Variants in SVIL observed in about 807,000 individuals in gnomAD.
The protein encoded by SVIL is archvillin.
SVIL carries 101 observed loss-of-function variants against 240.4 expected under a neutral mutation model. The observed-to-expected ratio is 0.42, with a 90% CI of 0.36 to 0.50. The LOEUF (loss-of-function observed/expected upper bound fraction) is 0.50, where lower values mean the gene tolerates loss of function less well. Among genes scored for constraint, SVIL ranks in the 20% least tolerant of loss-of-function variants. SVIL has a pLI of 0.01. For missense variants in SVIL, 2,512 were observed against 2,818.7 expected (o/e 0.89, Z 2.46); for synonymous variants, 999 against 1,100.0 (o/e 0.91, Z 1.82).
intron 16 of SVIL, among the ~76,000 whole-genome samples, chr10:29,513,275 A>G (rs1261093575): frequency 1.3e-5 from 2 of 152,234 alleles, no homozygotes; most frequent in African/African-American, 4.8e-5. Context: ...ACATGGGCTT[A>G]AAAACATAAA....
intron 1 of SVIL, among the ~76,000 whole-genome samples, chr10:29,630,120 C>T (rs930478493): frequency 2.6e-5 from 4 of 152,104 alleles, no homozygotes; most frequent in Non-Finnish European, 2.9e-5. Context: ...CATCCCTGTC[C>T]GAGACACTCT....
chr10:29,517,868 T>C (rs1950318723), intron 16 of SVIL, among the ~76,000 whole-genome samples: 2 of 152,238 alleles, frequency 1.3e-5, no homozygotes, highest in Non-Finnish European at 1.5e-5. Flanking sequence ...AGGCCTAACA[T>C]ACTCTTTAAG....
At position 29,522,754 on chromosome 10, in the gene SVIL, A is replaced by G. The variant is rs543162076; in HGVS notation, c.3164-119T>C. The G allele has an allele frequency of 6.3e-6, 7 of 1,104,544 alleles. No homozygotes were observed. The African/African-American group carries it at 9.4e-5, about 15-fold the overall frequency. 68.4% of individuals were successfully genotyped at this position (1,104,544 alleles called of 1,614,324 possible). A position where few individuals can be genotyped will look rare whatever the true frequency, so the allele number is the denominator to read the frequency against. ...CCGTGGGCACACGGCGGGTGACCCA[A>G]TCCACTGGGATTTATGCAAATCTGC... On this transcript the variant is annotated intron_variant, in intron 15 of 37. Coordinates refer to ENST00000355867, the MANE Select transcript of SVIL (RefSeq NM_021738.3).
chr10:29,606,190 T>C (rs1957014689), intron 1 of SVIL, among the ~76,000 whole-genome samples: 1 of 152,070 alleles, frequency 6.6e-6, no homozygotes, highest in Non-Finnish European at 1.5e-5. Context: ...ATTACAGGCG[T>C]GCGCCACAGC....
intron 1 of SVIL, among the ~76,000 whole-genome samples, chr10:29,717,058 T>C (rs896154199): frequency 2.6e-5 from 4 of 151,756 alleles, no homozygotes; most frequent in Non-Finnish European, 5.9e-5. Context: ...TGAAACTCTG[T>C]CTACTAAAAA....
In SVIL at chr10:29,529,693, G is replaced by A. The variant is rs113485316; in HGVS notation, c.2246+12C>T. 9.0e-5 allele frequency: 143 copies of A among 1,593,012 alleles called. No individual in the cohort carries two copies. The African/African-American group carries it at 1.5e-3, about 17-fold the overall frequency. On this transcript the variant is annotated intron_variant, in intron 12 of 37. Coordinates refer to ENST00000355867, the MANE Select transcript of SVIL (RefSeq NM_021738.3). The stretch of plus-strand genomic sequence containing the variant: ...ACTATAGACAAGGCTGAGAAGTCCT[G>A]TGGGCACTTACGTGGCTGCGATGAC...
chr10:29,703,958 C>T (rs1962708254), intron 1 of SVIL, among the ~76,000 whole-genome samples: 1 of 152,094 alleles, frequency 6.6e-6, no homozygotes, highest in Non-Finnish European at 1.5e-5. Context: ...CATGACACCA[C>T]CCCAGCTAAT....
intron 2 of SVIL, among the ~76,000 whole-genome samples, chr10:29,672,389 A>T (rs1432867827): frequency 6.6e-6 from 1 of 152,122 alleles, no homozygotes; most frequent in African/African-American, 2.4e-5. Flanking sequence ...ATCCTGGATC[A>T]CCTAAGCATA....
rs757597453 is a variant in SVIL, at chr10:29,533,381, T to C, written c.986A>G (p.Gln329Arg). ...GACTGGCGCTGGCTGGTGTCTCCTC[T>C]GAGTTACGGACTCTGAGGCGAGTTC... ...SPELASESVT[Q>R]RRHQPAPVHY... The change falls in exon 8 of 38, where the codon CAG (glutamine) becomes CGG (arginine). Residue 329 changes from glutamine to arginine, a missense_variant. By Grantham distance (43) the Gln-to-Arg change is conservative. This residue lies in a region of SVIL where 1,443 missense variants were observed against 1,486.6 expected (regional missense o/e 0.97). Transcript: ENST00000355867. 21 of 1,614,096 alleles carry C rather than the reference T, an allele frequency of 1.3e-5. No homozygotes were observed. In the Middle Eastern group the frequency reaches 4.9e-4, roughly 38 times the overall value.
chr10:29,535,630 C>T (rs535889769), intron 7 of SVIL, among the ~76,000 whole-genome samples: 93 of 152,308 alleles, frequency 6.1e-4, no homozygotes, highest in African/African-American at 2.2e-3. Flanking sequence ...GATGGGACGC[C>T]GGCTAGCGAG....
At chr10:29,467,430 G>A (rs1427202192) in intron 33 of SVIL, among the ~76,000 whole-genome samples, 1 of 152,112 alleles carries the variant, frequency 6.6e-6, no homozygotes, top group African/African-American at 2.4e-5. Context: ...ATTTGCCAGT[G>A]AGAATTTGAA....
At chr10:29,573,245 A>G (rs780865099) in intron 1 of SVIL, among the ~76,000 whole-genome samples, 1 of 151,640 alleles carries the variant, frequency 6.6e-6, no homozygotes, top group African/African-American at 2.4e-5. Flanking sequence ...TCCAGTACAC[A>G]TTTTTTTTAA....
At chr10:29,581,427 C>A (rs1302842794) in intron 1 of SVIL, among the ~76,000 whole-genome samples, 1 of 152,124 alleles carries the variant, frequency 6.6e-6, no homozygotes, top group East Asian at 1.9e-4. Context: ...TTTGGACAAG[C>A]GTGCAAATAA....
intron 28 of SVIL, 131 bp downstream of exon 28, chr10:29,481,453 T>C: frequency 2.5e-6 from 3 of 1,216,318 alleles, no homozygotes; most frequent in Non-Finnish European, 3.5e-6. Flanking sequence ...TTGAATGTTC[T>C]CACCACAAAG....
At chr10:29,547,182 C>T (rs972449226) in intron 6 of SVIL, among the ~76,000 whole-genome samples, 3 of 152,158 alleles carry the variant, frequency 2.0e-5, no homozygotes, top group Admixed American at 2.0e-4. Context: ...TAAAGACTAT[C>T]TAAGCAGAAT....
intron 1 of SVIL, among the ~76,000 whole-genome samples, chr10:29,594,006 C>T (rs1213848038): frequency 1.3e-5 from 2 of 151,982 alleles, no homozygotes; most frequent in Non-Finnish European, 2.9e-5. Context: ...GTTGAGCATC[C>T]CTAATCAGAA....
chr10:29,554,590 G>A (rs1006505195), intron 5 of SVIL, among the ~76,000 whole-genome samples, 193 bp downstream of exon 5: 3 of 152,190 alleles, frequency 2.0e-5, no homozygotes, highest in African/African-American at 7.2e-5. Context: ...CAGGAGTTAA[G>A]GCTGCAGCGA....
At chr10:29,648,115 A>T (rs755463780) in intron 3 of SVIL, among the ~76,000 whole-genome samples, 1 of 151,994 alleles carries the variant, frequency 6.6e-6, no homozygotes, top group Non-Finnish European at 1.5e-5. Flanking sequence ...CAAGTCCCTT[A>T]CCTGTCTTCT....
At chr10:29,711,180 A>G (rs879645409) in intron 1 of SVIL, among the ~76,000 whole-genome samples, 11 of 152,130 alleles carry the variant, frequency 7.2e-5, no homozygotes, top group Non-Finnish European at 4.4e-5. Context: ...AGGGCAGATC[A>G]CCTGAAGTCA....
Sources: gnomAD v4.1 joint callset for allele counts (sites outside exome capture counted in the v4.1 genomes callset) on GRCh38, gnomAD v4.1.1 for gene constraint, gnomAD v4.1.1 regional missense constraint, MANE v1.5 for transcripts, NCBI Gene and HGNC (gene_info 2026-07-23, HGNC 2026-07-21) for gene names.